SLC44A5: variants seen among roughly 807,000 people sequenced by gnomAD.
SLC44A5 encodes the protein solute carrier family 44 member 5, also known as choline transporter-like protein 5.
In SLC44A5, 57 loss-of-function variants were observed where a neutral mutation model predicts 101.8. The ratio of observed to expected loss-of-function variants is 0.56; its 90% CI spans 0.45 to 0.70. SLC44A5 has a LOEUF of 0.70. SLC44A5 is among the 30% of genes least tolerant of loss of function. The pLI is 0.00. For synonymous variants in SLC44A5, 281 were observed against 290.9 expected, an observed-to-expected ratio of 0.97 and a Z score of 0.35; for missense variants, 737 against 853.1, an observed-to-expected ratio of 0.86 and a Z score of 1.70.
chr1:75,287,032 T>C (rs992294396), intron 5 of SLC44A5, among the ~76,000 whole-genome samples: 2 of 152,178 alleles, frequency 1.3e-5, no homozygotes, highest in Admixed American at 6.5e-5. Context: ...CCCTCAAATA[T>C]GTTATCCAAA....
chr1:75,212,107 A>G (rs1015118451), intron 22 of SLC44A5, among the ~76,000 whole-genome samples: 1 of 152,140 alleles, frequency 6.6e-6, no homozygotes, highest in African/African-American at 2.4e-5. Flanking sequence ...GATTTTGCCA[A>G]TGATATTTTG....
chr1:75,671,948 A>C, the SLC44A5 span, among the ~76,000 whole-genome samples: 2 of 152,220 alleles, frequency 1.3e-5, no homozygotes, highest in African/African-American at 4.8e-5. Context: ...ATAACCTTAC[A>C]TCATACAGAA....
At chr1:75,328,386 G>A (rs17096754) in intron 4 of SLC44A5, among the ~76,000 whole-genome samples, 2,436 of 152,294 alleles carry the variant, frequency 0.016, 60 homozygotes, top group Middle Eastern at 0.054. Context: ...TCTCTAAAAA[G>A]AGGAGATATG....
intron 1 of SLC44A5, among the ~76,000 whole-genome samples, chr1:75,597,823 A>G (rs1434037453): frequency 6.6e-6 from 1 of 152,212 alleles, no homozygotes; most frequent in Non-Finnish European, 1.5e-5. Flanking sequence ...TATAAAACCT[A>G]AAAGTATAAA....
chr1:75,227,172 C>T (rs1647217946), intron 13 of SLC44A5, among the ~76,000 whole-genome samples: 1 of 151,994 alleles, frequency 6.6e-6, no homozygotes, highest in African/African-American at 2.4e-5. Flanking sequence ...CAAGACCAGG[C>T]TAGGCAACAT....
At chr1:75,650,850 T>G in the SLC44A5 span, among the ~76,000 whole-genome samples, 1 of 152,202 alleles carries the variant, frequency 6.6e-6, no homozygotes, top group Non-Finnish European at 1.5e-5. Context: ...CACTTCAGCC[T>G]TCTGAAGTGT....
chr1:75,583,791 A>G (rs1673836881), intron 1 of SLC44A5, among the ~76,000 whole-genome samples: 1 of 152,198 alleles, frequency 6.6e-6, no homozygotes, highest in Non-Finnish European at 1.5e-5. Flanking sequence ...CATAACCTCT[A>G]TATGCAGTAC....
chr1:75,286,353 A>T (rs915397702), intron 5 of SLC44A5, among the ~76,000 whole-genome samples: 1 of 152,028 alleles, frequency 6.6e-6, no homozygotes, highest in African/African-American at 2.4e-5. Flanking sequence ...CCTTAAGTTC[A>T]TGTGAGTCCT....
chr1:75,353,011 A>G (rs889226426), intron 3 of SLC44A5, among the ~76,000 whole-genome samples: 6 of 152,150 alleles, frequency 3.9e-5, no homozygotes, highest in African/African-American at 1.4e-4. Flanking sequence ...CCTAAATAAT[A>G]TAATTTGTCT....
intron 1 of SLC44A5, among the ~76,000 whole-genome samples, chr1:75,559,891 T>C (rs1672423723): frequency 6.6e-6 from 1 of 152,146 alleles, no homozygotes; most frequent in Admixed American, 6.6e-5. Context: ...GGAAGAGACA[T>C]TTATCCAAAG....
intron 1 of SLC44A5, among the ~76,000 whole-genome samples, chr1:75,577,176 T>C (rs1406050144): frequency 6.6e-6 from 1 of 152,198 alleles, no homozygotes; most frequent in African/African-American, 2.4e-5. Flanking sequence ...ACCATAATCC[T>C]TGCTTGGGCT....
At chr1:75,411,861 T>TC (rs1470503523) in intron 2 of SLC44A5, among the ~76,000 whole-genome samples, 3 of 152,166 alleles carry the variant, frequency 2.0e-5, no homozygotes, top group Non-Finnish European at 2.9e-5. Context: ...TGTTGTTTTG[T>TC]CATGGAGGTT....
chr1:75,570,075 T>C (rs1416025084), intron 1 of SLC44A5, among the ~76,000 whole-genome samples: 1 of 152,174 alleles, frequency 6.6e-6, no homozygotes, highest in African/African-American at 2.4e-5. Context: ...CAATTCCTAC[T>C]AGTCATTTGT....
chr1:75,399,795 T>C (rs1033486746), intron 2 of SLC44A5, among the ~76,000 whole-genome samples: 5 of 152,248 alleles, frequency 3.3e-5, no homozygotes, highest in African/African-American at 1.2e-4. Flanking sequence ...AATTTTACTT[T>C]GATGTTTTCT....
At chr1:75,603,819 C>A (rs211694) in intron 1 of SLC44A5, among the ~76,000 whole-genome samples, 103,643 of 132,626 alleles carry the variant, frequency 0.78, 40,667 homozygotes, top group East Asian at 0.94. Context: ...CTTTTGAGAA[C>A]TGTCCATTCA....
the SLC44A5 span, among the ~76,000 whole-genome samples, chr1:75,646,578 G>A: frequency 6.6e-6 from 1 of 152,078 alleles, no homozygotes; most frequent in Non-Finnish European, 1.5e-5. Flanking sequence ...CCCACATGTT[G>A]CAGGAGGGAC....
At position 75,563,932 on chromosome 1, in the gene SLC44A5, G is replaced by A. The variant is rs577279672; in HGVS notation, c.-69-22416C>T. ...GGAAAAGATTCATATTAGCAATAGA[G>A]AATATAGGGTAAAAACTGAATTATA... On this transcript the variant is annotated intron_variant, in intron 1 of 23. Coordinates refer to ENST00000370859, the MANE Select transcript of SLC44A5 (RefSeq NM_001130058.2). Among the ~76,000 whole-genome samples, 9 of 152,230 alleles carry A rather than the reference G, an allele frequency of 5.9e-5. No individual in the cohort carries two copies. The East Asian group carries it at 1.5e-3, about 26-fold the overall frequency.
chr1:75,254,007 C>A (rs554736409), intron 6 of SLC44A5, among the ~76,000 whole-genome samples: 1 of 152,068 alleles, frequency 6.6e-6, no homozygotes, highest in Non-Finnish European at 1.5e-5. Flanking sequence ...CATTCTATCA[C>A]AGTCACTGAT....
intron 5 of SLC44A5, among the ~76,000 whole-genome samples, chr1:75,282,984 T>C (rs1233596621): frequency 6.6e-6 from 1 of 152,164 alleles, no homozygotes; most frequent in East Asian, 1.9e-4. Flanking sequence ...CAAGTATCTT[T>C]TTCGTATAAT....
Sources: gnomAD v4.1 joint callset for allele counts (sites outside exome capture counted in the v4.1 genomes callset) on GRCh38, gnomAD v4.1.1 for gene constraint, MANE v1.5 for transcripts, NCBI Gene and HGNC (gene_info 2026-07-23, HGNC 2026-07-21) for gene names.